CSMD1: variants seen among roughly 807,000 people sequenced by gnomAD.
CSMD1 encodes the protein CUB and sushi domain-containing protein 1.
In CSMD1, 213 loss-of-function variants were observed where a neutral mutation model predicts 417.5. The observed-to-expected ratio is 0.51, with a 90% confidence interval of 0.46 to 0.57. The LOEUF (loss-of-function observed/expected upper bound fraction) is 0.57, where lower values mean the gene tolerates loss of function less well. CSMD1 is among the 20% of genes least tolerant of loss of function. The probability of loss-of-function intolerance (pLI) is 0.00; values close to 1 mark genes in which losing one functional copy is unlikely to be tolerated. For missense variants in CSMD1, 6,923 were observed against 4,529.7 expected, an observed-to-expected ratio of 1.53 and a Z score of -15.17; for synonymous variants, 2,862 against 1,736.8, an observed-to-expected ratio of 1.65 and a Z score of -16.11.
At chr8:3,228,684 T>A (rs548624080) in intron 27 of CSMD1, among the ~76,000 whole-genome samples, 8 of 152,236 alleles carry the variant, frequency 5.3e-5, no homozygotes, top group Middle Eastern at 3.4e-3. Flanking sequence ...CATGTTCAAA[T>A]TAATATAAAT....
chr8:4,723,254 C>T (rs947030231), intron 1 of CSMD1, among the ~76,000 whole-genome samples: 10 of 152,116 alleles, frequency 6.6e-5, no homozygotes, highest in Non-Finnish European at 1.2e-4. Flanking sequence ...AATTTTCTTG[C>T]CATCCCTTCA....
intron 1 of CSMD1, among the ~76,000 whole-genome samples, chr8:4,897,721 T>A (rs900474612): frequency 2.0e-5 from 3 of 152,138 alleles, no homozygotes; most frequent in East Asian, 1.9e-4. Flanking sequence ...TATCTGCGTA[T>A]TGAAGAATAA....
intron 5 of CSMD1, among the ~76,000 whole-genome samples, chr8:3,760,953 T>C (rs746216012): frequency 1.1e-4 from 16 of 145,406 alleles, no homozygotes; most frequent in African/African-American, 4.0e-4. Context: ...ATAAAAGATG[T>C]GCTTTTTCTT....
At chr8:4,379,067 T>A (rs149746318) in intron 3 of CSMD1, among the ~76,000 whole-genome samples, 1 of 152,250 alleles carries the variant, frequency 6.6e-6, no homozygotes, top group East Asian at 1.9e-4. Flanking sequence ...AATTTTATAG[T>A]GGAGATATTC....
At chr8:4,204,481 G>C (rs901614503) in intron 3 of CSMD1, among the ~76,000 whole-genome samples, 2 of 152,188 alleles carry the variant, frequency 1.3e-5, no homozygotes, top group East Asian at 1.9e-4. Context: ...GCACTTTCTA[G>C]ATTGTAAAAT....
chr8:3,841,483 C>T (rs1350574603), intron 5 of CSMD1, among the ~76,000 whole-genome samples: 1 of 152,130 alleles, frequency 6.6e-6, no homozygotes, highest in Non-Finnish European at 1.5e-5. Context: ...ATTCCCCATT[C>T]CCTTTTCATT....
intron 3 of CSMD1, among the ~76,000 whole-genome samples, chr8:4,054,692 T>A (rs1250659867): frequency 1.3e-5 from 2 of 152,156 alleles, no homozygotes; most frequent in African/African-American, 4.8e-5. Context: ...TGAATACATG[T>A]GAATTCCTGA....
chr8:4,665,598 T>C (rs1804873345), intron 1 of CSMD1, among the ~76,000 whole-genome samples: 1 of 152,194 alleles, frequency 6.6e-6, no homozygotes, highest in Non-Finnish European at 1.5e-5. Context: ...GTCATATTAA[T>C]AGAATCATAC....
rs143434415 is a variant in CSMD1 at position 4,720,424 on chromosome 8, T to G, written c.86-82866A>C. 6.4e-4 allele frequency among the ~76,000 whole-genome samples: 98 copies of G among 152,232 alleles called. 1 individual carries two copies. The East Asian group carries it at 0.017, about 26-fold the overall frequency. ...CTACTACTTCTCATTTGAATAATTTTTTTTGTTTTTTGAGATGGAGTCTTG... is the reference window on the plus strand; with the variant it reads ...CTACTACTTCTCATTTGAATAATTTGTTTTGTTTTTTGAGATGGAGTCTTG... On this transcript the variant is annotated intron_variant, in intron 1 of 69. Transcript: ENST00000635120.
At chr8:3,751,474 A>G (rs941636242) in intron 6 of CSMD1, among the ~76,000 whole-genome samples, 1 of 148,438 alleles carries the variant, frequency 6.7e-6, no homozygotes, top group Admixed American at 6.7e-5. Context: ...TATATAATTA[A>G]GCATATATTA....
chr8:3,452,146 T>G (rs1176175038), intron 12 of CSMD1, among the ~76,000 whole-genome samples: 4 of 152,244 alleles, frequency 2.6e-5, no homozygotes, highest in Admixed American at 2.0e-4. Context: ...AGAATGCTTG[T>G]GATTTTTGCA....
At chr8:4,062,814 C>T (rs960416395) in intron 3 of CSMD1, among the ~76,000 whole-genome samples, 2 of 151,674 alleles carry the variant, frequency 1.3e-5, no homozygotes, top group African/African-American at 4.8e-5. Context: ...TCACGGATGT[C>T]TGACTTTAGG....
At chr8:4,217,459 A>C (rs1042881072) in intron 3 of CSMD1, among the ~76,000 whole-genome samples, 1 of 152,146 alleles carries the variant, frequency 6.6e-6, no homozygotes, top group East Asian at 1.9e-4. Flanking sequence ...ATAGCTATAC[A>C]CAGTGAATTA....
rs887142273 is a variant in CSMD1 at position 4,254,592 on chromosome 8, C to G, written c.415+165361G>C. ...CCTAAGCCTTCACATTCACTCACCA[C>G]TCACTTGCTGACTCACCCTGGACAA... is the stretch of plus-strand genomic sequence containing the variant. On this transcript the variant is annotated intron_variant, in intron 3 of 69. Transcript: ENST00000635120. Among the ~76,000 whole-genome samples, 15 of 152,308 alleles carry G rather than the reference C, an allele frequency of 9.8e-5. 1 individual carries two copies. The highest frequency in any genetic ancestry group is 3.4e-4 in the African/African-American group (14 of 41,564).
chr8:4,669,690 T>C (rs551819964), intron 1 of CSMD1, among the ~76,000 whole-genome samples: 2 of 152,336 alleles, frequency 1.3e-5, no homozygotes, highest in South Asian at 4.1e-4. Flanking sequence ...TTTTGCTAAC[T>C]TGAACATTTC....
At chr8:3,676,360 G>T (rs910990748) in intron 7 of CSMD1, among the ~76,000 whole-genome samples, 1 of 152,130 alleles carries the variant, frequency 6.6e-6, no homozygotes, top group African/African-American at 2.4e-5. Context: ...CCGCCAGGCA[G>T]GATTGTTGTC....
chr8:4,619,796 C>T (rs528894494), intron 2 of CSMD1, among the ~76,000 whole-genome samples: 1 of 152,172 alleles, frequency 6.6e-6, no homozygotes, highest in South Asian at 2.1e-4. Context: ...GTATTCATAT[C>T]ACATAGCACA....
At chr8:4,938,604 A>G (rs1367957377) in intron 1 of CSMD1, among the ~76,000 whole-genome samples, 2 of 152,182 alleles carry the variant, frequency 1.3e-5, no homozygotes, top group Non-Finnish European at 2.9e-5. Context: ...ATACTTGCAT[A>G]AACATTTATA....
chr8:3,570,565 G>C (rs981958325), intron 10 of CSMD1, among the ~76,000 whole-genome samples: 1 of 152,126 alleles, frequency 6.6e-6, no homozygotes, highest in Admixed American at 6.5e-5. Context: ...TCTAGAGAGG[G>C]GGCAGGAAAA....
Sources: allele counts gnomAD v4.1 joint callset (sites outside exome capture counted in the v4.1 genomes callset), GRCh38; gene constraint gnomAD v4.1.1; transcripts MANE v1.5; gene names NCBI Gene and HGNC (gene_info 2026-07-23, HGNC 2026-07-21).